Variants in DLC1 observed in about 807,000 individuals in gnomAD.
DLC1 encodes DLC1 Rho GTPase activating protein, also known as rho GTPase-activating protein 7.
A neutral mutation model predicts 140.3 loss-of-function variants in DLC1; 54 were observed. The ratio of observed to expected loss-of-function variants is 0.38; its 90% confidence interval spans 0.31 to 0.48. The LOEUF is 0.48. Ranked by LOEUF, DLC1 falls within the 20% of genes least tolerant of loss-of-function variation. The pLI is 0.96. For missense variants in DLC1, 2,536 were observed against 1,907.0 expected, an observed-to-expected ratio of 1.33 and a Z score of -6.14; for synonymous variants, 986 against 728.1, an observed-to-expected ratio of 1.35 and a Z score of -5.70.
chr8:13,230,047 C>G (rs1005415789), intron 5 of DLC1, among the ~76,000 whole-genome samples: 1 of 152,204 alleles, frequency 6.6e-6, no homozygotes, highest in Non-Finnish European at 1.5e-5. Context: ...GCTGCAGGCT[C>G]ATAAAGGACA....
chr8:13,382,505 C>CAAAAAAA (rs71207149), intron 4 of DLC1, among the ~76,000 whole-genome samples: 21 of 35,504 alleles, frequency 5.9e-4, no homozygotes, highest in Admixed American at 9.6e-4. Context: ...GACTCCGTCT[C>CAAAAAAA]AAAAAAAAAA....
chr8:13,214,106 A>G (rs1044578911), intron 5 of DLC1, among the ~76,000 whole-genome samples: 1 of 152,104 alleles, frequency 6.6e-6, no homozygotes, highest in Non-Finnish European at 1.5e-5. Flanking sequence ...TCTTTATAAG[A>G]AGATATATTC....
intron 2 of DLC1, among the ~76,000 whole-genome samples, chr8:13,492,518 G>A (rs1454420327): frequency 1.4e-5 from 2 of 140,220 alleles, no homozygotes; most frequent in Non-Finnish European, 3.1e-5. Flanking sequence ...CTCTCTCTCT[G>A]TTTTCTCTCT....
At chr8:13,115,520 C>G in intron 6 of DLC1, 66 bp downstream of exon 6, 1 of 1,377,972 alleles carries the variant, frequency 7.3e-7, no homozygotes, top group South Asian at 1.3e-5. Flanking sequence ...AGTCATAGAT[C>G]AGTAATACTC....
At chr8:13,137,607 T>G (rs1822669533) in intron 5 of DLC1, among the ~76,000 whole-genome samples, 1 of 150,908 alleles carries the variant, frequency 6.6e-6, no homozygotes, top group African/African-American at 2.4e-5. Context: ...GGTTTTGTTT[T>G]TTTTTTTTTT....
intron 5 of DLC1, chr8:13,214,469 T>C: frequency 1.6e-6 from 1 of 645,046 alleles, no homozygotes; most frequent in South Asian, 1.8e-5. Flanking sequence ...CTGTGCTGAC[T>C]GTTGGTATCT....
chr8:13,296,656 C>T (rs919518689), intron 5 of DLC1, among the ~76,000 whole-genome samples: 5 of 152,060 alleles, frequency 3.3e-5, no homozygotes, highest in African/African-American at 1.2e-4. Context: ...TCTTGAGCAC[C>T]TACTCTGTGC....
chr8:13,572,058 AT>A (rs1283663796), intron 1 of DLC1, among the ~76,000 whole-genome samples: 1 of 149,580 alleles, frequency 6.7e-6, no homozygotes, highest in East Asian at 2.0e-4. Context: ...TGAGTTGTCT[AT>A]TTTATTGAGT....
At chr8:13,528,949 A>G (rs1442240842) in intron 1 of DLC1, among the ~76,000 whole-genome samples, 1 of 152,186 alleles carries the variant, frequency 6.6e-6, no homozygotes, top group East Asian at 1.9e-4. Context: ...TTCTATCACC[A>G]CCATGCATGC....
chr8:13,416,271 A>T (rs1003101928), intron 2 of DLC1, among the ~76,000 whole-genome samples: 2 of 152,228 alleles, frequency 1.3e-5, no homozygotes, highest in Admixed American at 6.5e-5. Context: ...ATAGCAATTT[A>T]AAAAATTGGC....
chr8:13,270,841 G>T (rs1399157100), intron 5 of DLC1, among the ~76,000 whole-genome samples: 1 of 152,134 alleles, frequency 6.6e-6, no homozygotes, highest in Non-Finnish European at 1.5e-5. Context: ...AGGGTATCAA[G>T]AACTGAAACT....
chr8:13,201,509 A>T (rs1184961441), intron 5 of DLC1, among the ~76,000 whole-genome samples: 4 of 152,316 alleles, frequency 2.6e-5, no homozygotes, highest in Non-Finnish European at 5.9e-5. Flanking sequence ...CAAGAACTAT[A>T]AAATATAGCT....
At chr8:13,192,796 C>A (rs1396957724) in intron 5 of DLC1, among the ~76,000 whole-genome samples, 2 of 152,142 alleles carry the variant, frequency 1.3e-5, no homozygotes, top group East Asian at 1.9e-4. Context: ...AAAGGGATGA[C>A]CCTCTGAGGG....
chr8:13,102,069 C>A (rs1028312157), intron 8 of DLC1, among the ~76,000 whole-genome samples: 1 of 152,192 alleles, frequency 6.6e-6, no homozygotes, highest in Non-Finnish European at 1.5e-5. Context: ...CCCAAGAAGG[C>A]AACTTTTTGC....
At chr8:13,327,146 T>TG (rs1833392554) in intron 4 of DLC1, among the ~76,000 whole-genome samples, 1 of 112,110 alleles carries the variant, frequency 8.9e-6, no homozygotes, top group Non-Finnish European at 1.9e-5. Flanking sequence ...TTTTTTTTTT[T>TG]GTATTTTTAG....
At chr8:13,489,697 T>C (rs567530587) in intron 2 of DLC1, among the ~76,000 whole-genome samples, 1 of 152,270 alleles carries the variant, frequency 6.6e-6, no homozygotes, top group East Asian at 1.9e-4. Flanking sequence ...TGTTGGCTTC[T>C]TTAGTTTGTT....
intron 5 of DLC1, among the ~76,000 whole-genome samples, chr8:13,268,462 G>A (rs564938689): frequency 1.3e-5 from 2 of 151,852 alleles, no homozygotes; most frequent in South Asian, 2.1e-4. Flanking sequence ...CTACAGGCGC[G>A]CAGCCTCAAA....
chr8:13,393,460 CAG>C, intron 4 of DLC1, 91 bp downstream of exon 4: 1 of 1,330,840 alleles, frequency 7.5e-7, no homozygotes, highest in Non-Finnish European at 1.0e-6. Context: ...AAGATTCCAA[CAG>C]TATTTCTTCT....
At chr8:13,534,072 C>T (rs191332989) in intron 1 of DLC1, among the ~76,000 whole-genome samples, 1 of 152,208 alleles carries the variant, frequency 6.6e-6, no homozygotes, top group East Asian at 1.9e-4. Flanking sequence ...ATCTAAGTCC[C>T]CCTTTCTTTA....
Sources: allele counts gnomAD v4.1 joint callset (sites outside exome capture counted in the v4.1 genomes callset), GRCh38; gene constraint gnomAD v4.1.1; transcripts MANE v1.5; gene names NCBI Gene and HGNC (gene_info 2026-07-23, HGNC 2026-07-21).